The following TRANK1 variants were observed in gnomAD, a reference collection of about 807,000 sequenced individuals.
TRANK1 encodes the protein TPR and ankyrin repeat-containing protein 1.
A neutral mutation model predicts 266.0 loss-of-function variants in TRANK1; 198 were observed. The observed-to-expected ratio is 0.74, with a 90% CI of 0.66 to 0.84. The LOEUF (loss-of-function observed/expected upper bound fraction) is 0.84, where lower values mean the gene tolerates loss of function less well. TRANK1 is among the 40% of genes least tolerant of loss of function. The probability of loss-of-function intolerance (pLI) is 0.00; values close to 1 mark genes in which losing one functional copy is unlikely to be tolerated. For missense variants in TRANK1, 3,326 were observed against 3,634.6 expected (o/e 0.92, Z 2.18); for synonymous variants, 1,396 against 1,384.1 (o/e 1.01, Z -0.19).
rs1449142791 is a variant in TRANK1 at position 36,855,193 on chromosome 3, T to A, written c.4529A>T (p.Gln1510Leu). 1 of 1,611,942 alleles carries A rather than the reference T, an allele frequency of 6.2e-7. No homozygotes were observed. Residue 1510 changes from glutamine to leucine, a missense_variant, in exon 13 of 24, where the codon CAG becomes CTG. Physicochemically the swap from Gln to Leu is moderately radical, Grantham distance 113 (BLOSUM62 -2). Transcript: ENST00000645898. ...RKPKKIHQLY[Q>L]NYRSHSGILN... ...CTTACCTGAGTGGGACCTGTAATTC[T>A]GGTACAGCTGGTGGATCTTCTTGGG...
Position 36,858,720 on chromosome 3 carries a change from T to C in TRANK1, c.1670A>G (p.Lys557Arg), listed in dbSNP as rs778079086. 7 of 1,520,240 alleles carry C rather than the reference T, an allele frequency of 4.6e-6. No individual in the cohort carries two copies. The highest frequency in any genetic ancestry group is 1.7e-4 in the Middle Eastern group (1 of 5,876). The allele number at this position is 1,520,240 out of a possible 1,614,324, so 94.2% of individuals were successfully genotyped here. ...CTGCTTAAAAAACAAGGGCTTACCT[T>C]TAATCTCTAGAAAGATGTGGAGTGC... ...HAALHIFLEIKADIGFSFLSH... is the reference protein window; with the variant it reads ...HAALHIFLEIRADIGFSFLSH... The change falls in exon 12 of 24, where the codon AAA becomes AGA. Residue 557 changes from lysine (K) to arginine (R), a missense_variant and splice_region_variant. By Grantham distance (26) the Lys-to-Arg change is conservative (BLOSUM62 2). Coordinates refer to ENST00000645898, the MANE Select transcript of TRANK1 (RefSeq NM_001329998.2).
At chr3:36,886,237 C>T (rs920362932) in intron 8 of TRANK1, among the ~76,000 whole-genome samples, 7 of 148,306 alleles carry the variant, frequency 4.7e-5, no homozygotes, top group African/African-American at 1.5e-4. Context: ...CAAGTTCAAG[C>T]GATTCTCCTG....
intron 9 of TRANK1, 129 bp from the exon 10 acceptor site, chr3:36,864,609 A>T: frequency 1.2e-6 from 1 of 811,492 alleles, no homozygotes; most frequent in African/African-American, 1.8e-5. Flanking sequence ...TGCTCCTCTC[A>T]TCAAGAAGTG....
intron 4 of TRANK1, among the ~76,000 whole-genome samples, chr3:36,896,949 G>A (rs1473047809): frequency 4.0e-5 from 6 of 151,758 alleles, no homozygotes; most frequent in African/African-American, 1.2e-4. Context: ...AGCAGAGATC[G>A]CGCCATTGCA....
At chr3:36,837,494 A>G (rs2078786389) in intron 20 of TRANK1, among the ~76,000 whole-genome samples, 1 of 152,196 alleles carries the variant, frequency 6.6e-6, no homozygotes, top group Non-Finnish European at 1.5e-5. Flanking sequence ...CCCCTTTCCT[A>G]CTGAAGGATA....
chr3:36,857,957 T>C lies in TRANK1; in HGVS notation c.1765A>G (p.Ser589Gly). 6.2e-7 allele frequency: 1 copy of C among 1,601,696 alleles called. No individual in the cohort carries two copies. The highest frequency in any genetic ancestry group is 8.5e-7 in the Non-Finnish European group (1 of 1,179,778). Residue 589 changes from serine (S) to glycine (G), a missense_variant, in exon 13 of 24, where the codon AGC becomes GGC. Transcript: ENST00000645898. The surrounding 1 kb of genome is among the most constrained non-coding windows in gnomAD (Gnocchi z 4.3). ...FDYLNPNVQD[S>G]NGNTLMHILF... ...ATGTGCATCAGCGTGTTCCCATTGC[T>C]GTCCTGGACATTGGGGTTGAGGTAG...
chr3:36,920,401 G>A (rs1431127574), intron 1 of TRANK1, among the ~76,000 whole-genome samples: 2 of 152,156 alleles, frequency 1.3e-5, no homozygotes, highest in African/African-American at 4.8e-5. Context: ...CTTAAGGGAA[G>A]CTGACTCCAC....
chr3:36,868,931 A>G (rs968326115), intron 9 of TRANK1, among the ~76,000 whole-genome samples: 2 of 152,224 alleles, frequency 1.3e-5, no homozygotes, highest in Admixed American at 1.3e-4. Flanking sequence ...AGAACTAGTA[A>G]ATCAGAGAGA....
chr3:36,891,698 G>A (rs1208411129), intron 7 of TRANK1, among the ~76,000 whole-genome samples: 1 of 152,248 alleles, frequency 6.6e-6, no homozygotes, highest in Non-Finnish European at 1.5e-5. Context: ...AGAATTTCAT[G>A]AAAATAGCAG....
chr3:36,883,581 T>A (rs975167220), intron 8 of TRANK1, among the ~76,000 whole-genome samples: 2 of 150,102 alleles, frequency 1.3e-5, no homozygotes, highest in Non-Finnish European at 2.9e-5. Flanking sequence ...GTGTGTTCAT[T>A]GCTGCAAAAG....
intron 7 of TRANK1, 103 bp downstream of exon 7, chr3:36,892,099 C>G: frequency 7.7e-7 from 1 of 1,300,988 alleles, no homozygotes; most frequent in Non-Finnish European, 1.0e-6. Flanking sequence ...TTCAAATGGT[C>G]TGCATTCAAG....
At chr3:36,935,693 C>T (rs1432304950) in intron 1 of TRANK1, among the ~76,000 whole-genome samples, 1 of 152,110 alleles carries the variant, frequency 6.6e-6, no homozygotes, top group East Asian at 1.9e-4. Flanking sequence ...GTGATCCGCC[C>T]ATCTCGGCTT....
chr3:36,850,022 T>C, intron 15 of TRANK1: 4 of 985,378 alleles, frequency 4.1e-6, no homozygotes, highest in Non-Finnish European at 4.8e-6. Context: ...GTAAGACACA[T>C]AACTGGATTT....
rs1202154288 is a variant in TRANK1, at chr3:36,856,787, T to TA, written c.2934dup (p.Lys979Ter). The stretch of plus-strand genomic sequence containing the variant: ...TTCATGTTAGCTGACACTTGGCCTT[T>TA]ATTGATACCTTTCAGCTTCTTCCGC... On this transcript the variant is annotated frameshift_variant, in exon 13 of 24. Coordinates refer to ENST00000645898, the MANE Select transcript of TRANK1 (RefSeq NM_001329998.2). LOFTEE classifies it high-confidence loss of function. 3.7e-6 allele frequency: 6 copies of TA among 1,613,894 alleles called. No individual in the cohort carries two copies. Among genetic ancestry groups the TA allele is most frequent in the Non-Finnish European group, 5.1e-6 (6 of 1,179,884 alleles).
Position 36,944,941 on chromosome 3 carries a change from G to A in TRANK1, c.-132C>T. On this transcript the variant is annotated 5_prime_UTR_variant, in exon 1 of 24. Coordinates refer to ENST00000645898, the MANE Select transcript of TRANK1 (RefSeq NM_001329998.2). The stretch of plus-strand genomic sequence containing the variant: ...GGGGCAGGGGCGGCGCGATGCAGAG[G>A]CGGCGTTCGGGGGCCCCCAGCTGCC... 3.0e-6 allele frequency: 3 copies of A among 989,728 alleles called. No homozygotes were observed. In the Admixed American group the frequency reaches 1.3e-4, roughly 42 times the overall value. 61.3% of individuals were successfully genotyped at this position (989,728 alleles called of 1,614,324 possible).
intron 1 of TRANK1, among the ~76,000 whole-genome samples, chr3:36,913,044 G>GTGTGTC (rs1358020520): frequency 6.6e-6 from 1 of 151,558 alleles, no homozygotes; most frequent in Non-Finnish European, 1.5e-5. Context: ...GTGTGTGTGT[G>GTGTGTC]TGTGTGTGTG....
chr3:36,847,450 C>T lies in TRANK1; in HGVS notation c.4888-104G>A, dbSNP rs1033128991. 5.8e-6 allele frequency: 7 copies of T among 1,204,274 alleles called. No homozygotes were observed. The East Asian group carries it at 1.5e-4, about 26-fold the overall frequency. 74.6% of individuals were successfully genotyped at this position (1,204,274 alleles called of 1,614,324 possible). On this transcript the variant is annotated intron_variant, in intron 15 of 23. Coordinates refer to ENST00000645898, the MANE Select transcript of TRANK1 (RefSeq NM_001329998.2). ...AACTAAGCCTCATCGGGGGACCAGG[C>T]CTTCAACCCCAACTTTGAGAAAGAT...
intron 5 of TRANK1, 104 bp from the exon 6 acceptor site, chr3:36,893,088 C>A (rs562935291): frequency 5.3e-5 from 23 of 432,112 alleles, no homozygotes; most frequent in Admixed American, 9.9e-5. Context: ...TAAAAAAAAA[C>A]CACTCTCTAG....
chr3:36,926,893 T>C (rs758811514), intron 1 of TRANK1, among the ~76,000 whole-genome samples: 2 of 152,214 alleles, frequency 1.3e-5, no homozygotes, highest in Non-Finnish European at 2.9e-5. Context: ...CATTAATATT[T>C]AAAAACCTTA....
Sources: gnomAD v4.1 joint callset for allele counts (sites outside exome capture counted in the v4.1 genomes callset) on GRCh38, gnomAD v4.1.1 for gene constraint, Gnocchi (gnomAD v3.1) non-coding constraint, MANE v1.5 for transcripts, NCBI Gene and HGNC (gene_info 2026-07-23, HGNC 2026-07-21) for gene names.